Variants in RAD51B observed in about 807,000 individuals in gnomAD.
RAD51B encodes RAD51 paralog B, also known as DNA repair protein RAD51 homolog 2.
Under a neutral mutation model 42.2 loss-of-function variants are expected in RAD51B, and 38 were observed. The observed-to-expected ratio is 0.90, with a 90% confidence interval of 0.70 to 1.18. RAD51B has a LOEUF of 1.18. RAD51B is among the 50% of genes most tolerant of loss of function. RAD51B has a pLI of 0.00. For missense variants in RAD51B, 373 were observed against 400.7 expected (o/e 0.93, Z 0.59); for synonymous variants, 154 against 145.2 (o/e 1.06, Z -0.43).
At chr14:68,050,158 A>G (rs963926875) in intron 7 of RAD51B, among the ~76,000 whole-genome samples, 1 of 151,992 alleles carries the variant, frequency 6.6e-6, no homozygotes, top group Non-Finnish European at 1.5e-5. Context: ...TCATGTTTTT[A>G]TGGAAGCCAT....
chr14:67,909,479 C>T (rs973272577), intron 7 of RAD51B, among the ~76,000 whole-genome samples: 2 of 152,136 alleles, frequency 1.3e-5, no homozygotes, highest in Admixed American at 1.3e-4. Flanking sequence ...GTGACTTATT[C>T]TGTACTTATC....
intron 7 of RAD51B, among the ~76,000 whole-genome samples, chr14:68,266,379 C>A (rs1261885230): frequency 6.6e-6 from 1 of 152,194 alleles, no homozygotes; most frequent in Non-Finnish European, 1.5e-5. Flanking sequence ...CTAGGGAGAA[C>A]TTTGCAAGCC....
At chr14:68,183,027 A>G (rs1042635059) in intron 7 of RAD51B, among the ~76,000 whole-genome samples, 3 of 151,958 alleles carry the variant, frequency 2.0e-5, no homozygotes, top group African/African-American at 7.3e-5. Flanking sequence ...TATTTGGGGG[A>G]TTTTGACTGA....
chr14:68,452,863 CAT>C (rs2085592646), intron 9 of RAD51B, among the ~76,000 whole-genome samples: 1 of 152,160 alleles, frequency 6.6e-6, no homozygotes, highest in African/African-American at 2.4e-5. Flanking sequence ...TACCCAAAAT[CAT>C]ATAGCCAAGA....
intron 8 of RAD51B, among the ~76,000 whole-genome samples, chr14:68,408,805 G>C (rs186607715): frequency 6.6e-6 from 1 of 152,272 alleles, no homozygotes; most frequent in African/African-American, 2.4e-5. Context: ...AAATAAATAA[G>C]ATGTGACTAA....
At chr14:67,952,871 TTTA>T (rs1201563088) in intron 7 of RAD51B, among the ~76,000 whole-genome samples, 15 of 151,784 alleles carry the variant, frequency 9.9e-5, no homozygotes, top group African/African-American at 3.1e-4. Context: ...AGTTTTTTAG[TTTA>T]GTTTAGTTTA....
At position 68,020,652 on chromosome 14, in the gene RAD51B, A is replaced by G. The variant is rs564580973; in HGVS notation, c.756+133448A>G. Reference sequence around the variant, plus strand: ...TATATATATAGAGTTTCAGTTTGGGATGATGAAAAGGTTCTGAGATGGATG... The same window carrying G: ...TATATATATAGAGTTTCAGTTTGGGGTGATGAAAAGGTTCTGAGATGGATG... On this transcript the variant is annotated intron_variant, in intron 7 of 10. Coordinates refer to ENST00000471583, the MANE Select transcript of RAD51B (RefSeq NM_133510.4). Among the ~76,000 whole-genome samples the G allele has an allele frequency of 1.5e-4, 23 of 152,244 alleles. No homozygotes were observed. In the East Asian group the frequency reaches 3.7e-3, roughly 24 times the overall value.
At chr14:68,196,918 A>G (rs1472460814) in intron 7 of RAD51B, among the ~76,000 whole-genome samples, 1 of 152,230 alleles carries the variant, frequency 6.6e-6, no homozygotes, top group Non-Finnish European at 1.5e-5. Flanking sequence ...GAAGACAGGT[A>G]TCTAAAAGAC....
At position 68,058,928 on chromosome 14, in the gene RAD51B, C is replaced by A. The variant is rs140947437; in HGVS notation, c.756+171724C>A. ...CAATTGAAGATATTTCAAGGGCCAG[C>A]ATTTGATGTCATACAAGAGACATCA... On this transcript the variant is annotated intron_variant, in intron 7 of 10. Transcript: ENST00000471583. 6.9e-3 allele frequency among the ~76,000 whole-genome samples: 1,057 copies of A among 152,310 alleles called. 12 individuals are homozygous for A. Among genetic ancestry groups the A allele is most frequent in the African/African-American group, 0.024 (992 of 41,576 alleles).
At chr14:68,233,792 G>A (rs2080193018) in intron 7 of RAD51B, among the ~76,000 whole-genome samples, 1 of 152,144 alleles carries the variant, frequency 6.6e-6, no homozygotes, top group Non-Finnish European at 1.5e-5. Flanking sequence ...ATGCAAAGAG[G>A]TGTGAAAGAG....
Position 68,540,045 on chromosome 14 carries a change from G to A in RAD51B, c.1037-54440G>A, listed in dbSNP as rs549218528. Among the ~76,000 whole-genome samples the A allele has an allele frequency of 1.5e-3, 228 of 152,104 alleles. 3 individuals carry two copies. Among genetic ancestry groups the A allele is most frequent in the African/African-American group, 5.1e-3 (212 of 41,502 alleles). ...TCCTCAGAAGAGCATTTCTGTGCTG[G>A]CATCCACGGTGAGCAGCTGTACCAA... On this transcript the variant is annotated intron_variant, in intron 10 of 10. Coordinates refer to the RAD51B transcript ENST00000487270.
chr14:67,949,426 A>C (rs1344756328), intron 7 of RAD51B, among the ~76,000 whole-genome samples: 1 of 152,210 alleles, frequency 6.6e-6, no homozygotes, highest in African/African-American at 2.4e-5. Context: ...TCATCTGTTC[A>C]AGTTTGGTCA....
At chr14:68,162,780 G>A (rs963153634) in intron 7 of RAD51B, among the ~76,000 whole-genome samples, 8 of 151,982 alleles carry the variant, frequency 5.3e-5, no homozygotes, top group East Asian at 3.8e-4. Context: ...GCGAGAATCC[G>A]TCTCAAAAAA....
intron 10 of RAD51B, among the ~76,000 whole-genome samples, chr14:68,621,974 A>G (rs1891959796): frequency 6.6e-6 from 1 of 152,242 alleles, no homozygotes; most frequent in African/African-American, 2.4e-5. Flanking sequence ...CAGATGGGTC[A>G]GCACAGGCCC....
intron 7 of RAD51B, among the ~76,000 whole-genome samples, chr14:68,121,384 T>C (rs2077648952): frequency 6.6e-6 from 1 of 152,188 alleles, no homozygotes; most frequent in Non-Finnish European, 1.5e-5. Context: ...GCCATGCTTC[T>C]AAGAGGCGTT....
chr14:68,616,158 A>C (rs1469194451), downstream of RAD51B, among the ~76,000 whole-genome samples: 1 of 152,142 alleles, frequency 6.6e-6, no homozygotes, highest in African/African-American at 2.4e-5. Context: ...TTGCTTTAAT[A>C]TTTTAAAGAA....
At chr14:68,185,913 A>C (rs541851378) in intron 7 of RAD51B, among the ~76,000 whole-genome samples, 1 of 152,166 alleles carries the variant, frequency 6.6e-6, no homozygotes, top group Non-Finnish European at 1.5e-5. Flanking sequence ...ACCCCTGCAC[A>C]AATCTAAAAA....
intron 7 of RAD51B, among the ~76,000 whole-genome samples, chr14:68,249,804 G>T (rs1304132560): frequency 6.6e-6 from 1 of 152,162 alleles, no homozygotes; most frequent in African/African-American, 2.4e-5. Context: ...AGAGATATGG[G>T]GGTCTTGTTT....
At chr14:67,986,661 T>C (rs959418838) in intron 7 of RAD51B, among the ~76,000 whole-genome samples, 1 of 152,222 alleles carries the variant, frequency 6.6e-6, no homozygotes, top group Non-Finnish European at 1.5e-5. Context: ...AGATCTCTTA[T>C]TATCCTTTTA....
Sources: gnomAD v4.1 joint callset for allele counts (sites outside exome capture counted in the v4.1 genomes callset) on GRCh38, gnomAD v4.1.1 for gene constraint, MANE v1.5 for transcripts, NCBI Gene and HGNC (gene_info 2026-07-23, HGNC 2026-07-21) for gene names.